Variants in WWOX observed in about 807,000 individuals in gnomAD.
WWOX encodes the protein WW domain containing oxidoreductase.
WWOX carries 69 observed loss-of-function variants against 46.2 expected under a neutral mutation model. That is an observed-to-expected ratio of 1.49 (90% CI 1.23 to 1.82). WWOX has a LOEUF of 1.82. WWOX is among the 40% of genes most tolerant of loss of function. The probability of loss-of-function intolerance (pLI) is 0.00; values close to 1 mark genes in which losing one functional copy is unlikely to be tolerated. For synonymous variants in WWOX, 359 were observed against 202.6 expected (o/e 1.77, Z -6.56); for missense variants, 919 against 542.6 (o/e 1.69, Z -6.89).
chr16:79,140,858 C>T (rs550555149), intron 8 of WWOX, among the ~76,000 whole-genome samples: 7 of 152,258 alleles, frequency 4.6e-5, no homozygotes, highest in African/African-American at 1.4e-4. Flanking sequence ...AAACAGTTTC[C>T]GTACGTCAGT....
At chr16:78,750,912 G>A (rs1567535217) in intron 8 of WWOX, among the ~76,000 whole-genome samples, 1 of 152,148 alleles carries the variant, frequency 6.6e-6, no homozygotes, top group African/African-American at 2.4e-5. Flanking sequence ...CACTTAGGAT[G>A]ATTCCATGTC....
At chr16:78,468,541 G>A (rs187210595) in intron 8 of WWOX, among the ~76,000 whole-genome samples, 3 of 152,278 alleles carry the variant, frequency 2.0e-5, no homozygotes, top group Admixed American at 6.5e-5. Flanking sequence ...TCTTAGAAGA[G>A]ATTTCAGGCC....
At position 78,671,590 on chromosome 16, in the gene WWOX, G is replaced by T. The variant is rs144388253; in HGVS notation, c.1056+238838G>T. 7.9e-3 allele frequency among the ~76,000 whole-genome samples: 1,198 copies of T among 152,154 alleles called. 7 individuals carry two copies. The highest frequency in any genetic ancestry group is 0.013 in the Non-Finnish European group (874 of 68,014). On this transcript the variant is annotated intron_variant, in intron 8 of 8. Coordinates refer to ENST00000566780, the MANE Select transcript of WWOX (RefSeq NM_016373.4). ...ACCTCATTAATTGCCGGTACTCTCA[G>T]AGCCCTGATTTTCTTACCTATAAAG...
chr16:79,157,435 AAG>A (rs1491240134), intron 8 of WWOX, among the ~76,000 whole-genome samples: 23 of 135,188 alleles, frequency 1.7e-4, no homozygotes, highest in African/African-American at 8.7e-4. Context: ...AAAAAAAAAA[AAG>A]AAAGAAACCA....
At chr16:79,129,400 G>A (rs1055665232) in intron 8 of WWOX, among the ~76,000 whole-genome samples, 3 of 146,916 alleles carry the variant, frequency 2.0e-5, no homozygotes, top group African/African-American at 5.1e-5. Context: ...CGTATGGAAC[G>A]ATCTTGATGT....
intron 8 of WWOX, among the ~76,000 whole-genome samples, chr16:79,191,228 TG>T (rs1567608102): frequency 6.6e-6 from 1 of 151,784 alleles, no homozygotes; most frequent in Non-Finnish European, 1.5e-5. Context: ...TAATTTTTTT[TG>T]TATTTTAGCA....
chr16:78,988,961 C>T (rs1014170474), intron 8 of WWOX, among the ~76,000 whole-genome samples: 4 of 152,200 alleles, frequency 2.6e-5, no homozygotes, highest in Non-Finnish European at 5.9e-5. Context: ...GCTTCAGGAA[C>T]TAGGCAGGAG....
intron 8 of WWOX, among the ~76,000 whole-genome samples, chr16:78,725,588 C>G (rs1198354069): frequency 6.6e-6 from 1 of 151,824 alleles, no homozygotes; most frequent in African/African-American, 2.4e-5. Flanking sequence ...CTCAGGCGAT[C>G]TACCCGCCTC....
At chr16:78,350,629 T>C (rs1362868286) in intron 5 of WWOX, among the ~76,000 whole-genome samples, 1 of 121,602 alleles carries the variant, frequency 8.2e-6, no homozygotes, top group Admixed American at 8.0e-5. Context: ...GTAGCATGTA[T>C]CAGTACTTCT....
chr16:78,359,784 C>T (rs755885831), intron 5 of WWOX, among the ~76,000 whole-genome samples: 1 of 152,200 alleles, frequency 6.6e-6, no homozygotes, highest in African/African-American at 2.4e-5. Context: ...GTGAGAAACA[C>T]ACAAGGCATG....
chr16:78,704,018 A>C (rs1011957703), intron 8 of WWOX, among the ~76,000 whole-genome samples: 1 of 152,202 alleles, frequency 6.6e-6, no homozygotes, highest in African/African-American at 2.4e-5. Flanking sequence ...CTGTTGTGCA[A>C]CCATCACCCC....
intron 8 of WWOX, among the ~76,000 whole-genome samples, chr16:78,721,746 G>C (rs1437874210): frequency 6.6e-6 from 1 of 152,224 alleles, no homozygotes; most frequent in Non-Finnish European, 1.5e-5. Context: ...GGAATCGAAT[G>C]AGAGATTACA....
At chr16:79,164,663 G>C (rs186601889) in intron 8 of WWOX, among the ~76,000 whole-genome samples, 30 of 152,260 alleles carry the variant, frequency 2.0e-4, no homozygotes, top group African/African-American at 5.8e-4. Context: ...TTATTAAAAT[G>C]AATTTCGAAA....
intron 5 of WWOX, among the ~76,000 whole-genome samples, 160 bp from the exon 6 acceptor site, chr16:78,386,700 G>GC (rs2082068551): frequency 7.7e-6 from 1 of 130,232 alleles, no homozygotes; most frequent in South Asian, 2.4e-4. Context: ...GGCAGTAAAA[G>GC]CCCTGTTCTT....
chr16:78,153,356 G>A (rs1325031096), intron 4 of WWOX, among the ~76,000 whole-genome samples: 1 of 152,136 alleles, frequency 6.6e-6, no homozygotes, highest in Non-Finnish European at 1.5e-5. Context: ...GATTAGTTTG[G>A]AAAGTATGGT....
chr16:79,212,071 G>A lies in WWOX; in HGVS notation c.*275G>A. On this transcript the variant is annotated 3_prime_UTR_variant, in exon 9 of 9. Coordinates refer to ENST00000566780, the MANE Select transcript of WWOX (RefSeq NM_016373.4). ...AAGTAAAAACCTGCTTGGTGTGTAG[G>A]TTCCGTATCTCCCTGGAGAAGCACC... is the stretch of plus-strand genomic sequence containing the variant. 1 of 1,536,394 alleles carries A rather than the reference G, an allele frequency of 6.5e-7. No homozygotes were observed. The highest frequency in any genetic ancestry group is 8.7e-7 in the Non-Finnish European group (1 of 1,146,908).
In WWOX at chr16:78,193,277, A is replaced by G. The variant is rs74578532; in HGVS notation, c.516+28988A>G. Reference sequence around the variant, plus strand: ...TAATTGTGAACAAAGAATTCACTTGACCAAAGATGGTTTTCTTGATATGGT... The same window carrying G: ...TAATTGTGAACAAAGAATTCACTTGGCCAAAGATGGTTTTCTTGATATGGT... On this transcript the variant is annotated intron_variant, in intron 5 of 8. Coordinates refer to ENST00000566780, the MANE Select transcript of WWOX (RefSeq NM_016373.4). Among the ~76,000 whole-genome samples, 53 of 152,350 alleles carry G rather than the reference A, an allele frequency of 3.5e-4. 2 individuals are homozygous for G. The East Asian group carries it at 0.01, about 29-fold the overall frequency.
intron 4 of WWOX, among the ~76,000 whole-genome samples, chr16:78,141,492 A>C (rs1315804295): frequency 1.5e-5 from 2 of 129,442 alleles, no homozygotes; most frequent in African/African-American, 6.0e-5. Context: ...CCTCTGGCCC[A>C]TTCTACAAGG....
intron 5 of WWOX, among the ~76,000 whole-genome samples, chr16:78,239,920 C>T (rs2037581125): frequency 6.6e-6 from 1 of 152,134 alleles, no homozygotes; most frequent in African/African-American, 2.4e-5. Flanking sequence ...TATACATTCT[C>T]AAAGTCCATG....
Sources: gnomAD v4.1 joint callset for allele counts (sites outside exome capture counted in the v4.1 genomes callset) on GRCh38, gnomAD v4.1.1 for gene constraint, MANE v1.5 for transcripts, NCBI Gene and HGNC (gene_info 2026-07-23, HGNC 2026-07-21) for gene names.